LY6S: variants seen among roughly 807,000 people sequenced by gnomAD.
LY6S encodes lymphocyte antigen 6S.
At chr8:143,044,201 T>C in the LY6S span, 1 of 456,166 alleles carries the variant, frequency 2.2e-6, no homozygotes, top group Admixed American at 2.3e-5. Context: ...ACTCACTGAA[T>C]GCTCACAGCC....
At chr8:143,043,900 C>T in the LY6S span, among the ~76,000 whole-genome samples, 1 of 152,206 alleles carries the variant, frequency 6.6e-6, no homozygotes, top group African/African-American at 2.4e-5. Flanking sequence ...GTCTCCAACT[C>T]CCGACCTCAG....
At chr8:143,051,194 T>C in the LY6S span, among the ~76,000 whole-genome samples, 3 of 152,194 alleles carry the variant, frequency 2.0e-5, no homozygotes, top group African/African-American at 7.2e-5. Flanking sequence ...CCGGGAGCAG[T>C]GGCCCAGCTA....
At chr8:143,069,081 G>A in the LY6S span, among the ~76,000 whole-genome samples, 4 of 152,138 alleles carry the variant, frequency 2.6e-5, no homozygotes, top group Non-Finnish European at 4.4e-5. Context: ...CCAAGGAAGC[G>A]AGCTGGCCCC....
chr8:143,075,376 C>G, the LY6S span, among the ~76,000 whole-genome samples: 3 of 152,280 alleles, frequency 2.0e-5, no homozygotes, highest in African/African-American at 7.2e-5. This position sits in a 1 kb window ranked among gnomAD's most constrained non-coding sequence, Gnocchi z 4.1. Flanking sequence ...CTCCTACTCA[C>G]CAAATATCAC....
At chr8:143,073,570 G>C in the LY6S span, among the ~76,000 whole-genome samples, 2,146 of 132,952 alleles carry the variant, frequency 0.016, 143 homozygotes, top group African/African-American at 0.065. Flanking sequence ...CGTCGTCCTC[G>C]GGGCTCCTGT....
chr8:143,066,052 G>A, the LY6S span: 2 of 387,966 alleles, frequency 5.2e-6, no homozygotes, highest in Non-Finnish European at 9.8e-6. Context: ...CAAGAAAGTA[G>A]CTTCACATAC....
chr8:143,069,536 A>T, the LY6S span, among the ~76,000 whole-genome samples: 26 of 152,334 alleles, frequency 1.7e-4, no homozygotes, highest in African/African-American at 6.3e-4. Context: ...GCGGGTAATT[A>T]ACAGCCCGGC....
At chr8:143,070,457 TATATATA>T in the LY6S span, among the ~76,000 whole-genome samples, 3 of 45,378 alleles carry the variant, frequency 6.6e-5, no homozygotes, top group Non-Finnish European at 8.3e-5. Flanking sequence ...TATATATATA[TATATATA>T]ATATATATAT....
At chr8:143,047,163 G>A in the LY6S span, among the ~76,000 whole-genome samples, 1 of 148,660 alleles carries the variant, frequency 6.7e-6, no homozygotes, top group African/African-American at 2.5e-5. Flanking sequence ...TTTTTAAGAT[G>A]GAGTCTTGCT....
At chr8:143,070,479 A>T in the LY6S span, among the ~76,000 whole-genome samples, 43 of 86,014 alleles carry the variant, frequency 5.0e-4, no homozygotes, top group African/African-American at 2.5e-3. Context: ...ATATATAAAT[A>T]TATATATATA....
chr8:143,047,284 C>T, the LY6S span, among the ~76,000 whole-genome samples: 4 of 151,836 alleles, frequency 2.6e-5, 1 homozygote, highest in South Asian at 4.2e-4. Context: ...GGATTACAGG[C>T]GCCTGCCACC....
the LY6S span, chr8:143,066,546 G>C: frequency 6.4e-6 from 2 of 312,420 alleles, no homozygotes; most frequent in Non-Finnish European, 1.3e-5. Flanking sequence ...CATGGCTGTG[G>C]CCCTTTTTGG....
At chr8:143,042,738 G>A in the LY6S span, among the ~76,000 whole-genome samples, 6 of 152,170 alleles carry the variant, frequency 3.9e-5, no homozygotes, top group Non-Finnish European at 7.4e-5. Flanking sequence ...GAGCTGAGGG[G>A]TTGGCCCTGG....
the LY6S span, among the ~76,000 whole-genome samples, chr8:143,074,928 GCACC>G: frequency 6.6e-6 from 1 of 152,100 alleles, no homozygotes; most frequent in African/African-American, 2.4e-5. Context: ...CTTCAGATTT[GCACC>G]CACCATTTTC....
At chr8:143,043,665 T>C in the LY6S span, among the ~76,000 whole-genome samples, 1 of 150,408 alleles carries the variant, frequency 6.6e-6, no homozygotes, top group Non-Finnish European at 1.5e-5. Context: ...GGCTCCAGGC[T>C]GGCTTTTTTT....
the LY6S span, among the ~76,000 whole-genome samples, chr8:143,061,242 A>G: frequency 6.7e-6 from 1 of 150,154 alleles, no homozygotes; most frequent in Non-Finnish European, 1.5e-5. Flanking sequence ...CCTGGGCAAC[A>G]TAGCAAACCC....
the LY6S span, among the ~76,000 whole-genome samples, chr8:143,070,453 T>TATATATA: frequency 2.0e-5 from 1 of 49,194 alleles, no homozygotes; most frequent in East Asian, 1.2e-3. Flanking sequence ...ATTGTATATA[T>TATATATA]ATATATATAT....
chr8:143,073,964 C>G, the LY6S span, among the ~76,000 whole-genome samples: 2 of 151,872 alleles, frequency 1.3e-5, no homozygotes, highest in South Asian at 4.2e-4. Context: ...TTTGAGGAGA[C>G]AGCCGTCGTC....
At chr8:143,059,820 G>C in the LY6S span, 10 of 152,206 alleles carry the variant, frequency 6.6e-5, no homozygotes, top group South Asian at 4.1e-4. Context: ...GGTAAATGAA[G>C]TTATGCTGTG....
Sources: gnomAD v4.1 joint callset for allele counts (sites outside exome capture counted in the v4.1 genomes callset) on GRCh38, gnomAD v4.1.1 for gene constraint, Gnocchi (gnomAD v3.1) non-coding constraint, MANE v1.5 for transcripts, NCBI Gene and HGNC (gene_info 2026-07-23, HGNC 2026-07-21) for gene names.